The following CENPF variants were observed in gnomAD, a reference collection of about 807,000 sequenced individuals.
The protein encoded by CENPF is centromere protein F, also known as AH antigen.
In CENPF, 214 loss-of-function variants were observed where a neutral mutation model predicts 307.3. The ratio of observed to expected loss-of-function variants is 0.70; its 90% CI spans 0.62 to 0.78. The LOEUF is 0.78. Among genes scored for constraint, CENPF ranks in the 30% least tolerant of loss-of-function variants. The pLI, the probability that CENPF is intolerant of heterozygous loss-of-function variation, is 0.00. For missense variants in CENPF, 3,401 were observed against 3,483.9 expected, an observed-to-expected ratio of 0.98 and a Z score of 0.60; for synonymous variants, 1,259 against 1,270.6, an observed-to-expected ratio of 0.99 and a Z score of 0.19.
Position 214,658,707 on chromosome 1 carries a change from G to A in CENPF, c.8963-143G>A, listed in dbSNP as rs1185193515. 4.3e-5 allele frequency: 29 copies of A among 676,564 alleles called. No homozygotes were observed. In the East Asian group the frequency reaches 6.5e-4, roughly 15 times the overall value. The allele number at this position is 676,564 out of a possible 1,614,324, so 41.9% of individuals were successfully genotyped here. A position where few individuals can be genotyped will look rare whatever the true frequency, so the allele number is the denominator to read the frequency against. The stretch of plus-strand genomic sequence containing the variant: ...TGGTGACTCCCAGGGCAACTGTGAA[G>A]TGTAATCCATTGACCACAGTGGCTA... On this transcript the variant is annotated intron_variant, in intron 18 of 19. Transcript: ENST00000366955.
rs2102538100 is a variant in CENPF at position 214,620,687 on chromosome 1, G to T, written c.606G>T (p.Met202Ile). 1 of 1,613,948 alleles carries T rather than the reference G, an allele frequency of 6.2e-7. No individual in the cohort carries two copies. Among genetic ancestry groups the T allele is most frequent in the East Asian group, 2.2e-5 (1 of 44,874 alleles). The change falls in exon 6 of 20, where the codon ATG becomes ATT. Residue 202 changes from methionine to isoleucine, a missense_variant. Physicochemically the swap from Met to Ile is conservative, Grantham distance 10. Transcript: ENST00000366955. ...KASQTLPQAT[M>I]NHRDIARHQA... ...GCCAGACTCTTCCACAAGCCACCAT[G>T]AATCACCGCGACATTGCCCGGCATC...
intron 8 of CENPF, among the ~76,000 whole-genome samples, chr1:214,630,313 A>C (rs1657770519): frequency 1.3e-5 from 2 of 152,174 alleles, no homozygotes; most frequent in Admixed American, 6.5e-5. Flanking sequence ...TGGTCAACTG[A>C]TAAGAGTCCT....
In CENPF at chr1:214,641,016, C is replaced by G. The variant is rs778772735; in HGVS notation, c.2678C>G (p.Ser893Cys). The G allele has an allele frequency of 6.4e-7, 1 of 1,573,114 alleles. No homozygotes were observed. Among genetic ancestry groups the G allele is most frequent in the African/African-American group, 1.4e-5 (1 of 72,838 alleles). The change falls in exon 12 of 20, where the codon TCT (serine) becomes TGT (cysteine). Residue 893 changes from serine (S) to cysteine (C), a missense_variant. Transcript: ENST00000366955. ...ATTAGTAAGTTACAGGAAGACACTT[C>G]TGCTCACCAGAATGTTGTTGCTGAA... is the stretch of plus-strand genomic sequence containing the variant. Reference protein sequence around the residue: ...QRISKLQEDTSAHQNVVAETL... With the variant: ...QRISKLQEDTCAHQNVVAETL...
chr1:214,615,660 T>A (rs1657316741), intron 3 of CENPF, among the ~76,000 whole-genome samples: 1 of 152,092 alleles, frequency 6.6e-6, no homozygotes, highest in Non-Finnish European at 1.5e-5. Context: ...TCCTTTTGGC[T>A]GGGCTAGGTG....
At chr1:214,610,898 A>G (rs898734326) in intron 1 of CENPF, among the ~76,000 whole-genome samples, 5 of 152,228 alleles carry the variant, frequency 3.3e-5, no homozygotes, top group Non-Finnish European at 5.9e-5. Context: ...ATTCTTCTGC[A>G]TATGGCTAGC....
At chr1:214,623,646 C>T (rs1657575764) in intron 7 of CENPF, among the ~76,000 whole-genome samples, 2 of 152,038 alleles carry the variant, frequency 1.3e-5, no homozygotes, top group South Asian at 2.1e-4. Context: ...TTTACTGACT[C>T]ATTTCACAAG....
intron 1 of CENPF, 118 bp from the exon 2 acceptor site, chr1:214,613,596 T>C (rs1657256023): frequency 1.5e-6 from 1 of 657,628 alleles, no homozygotes; most frequent in Admixed American, 3.3e-5. Context: ...TACTTTGTTA[T>C]CTTTTGAAAT....
At chr1:214,629,819 T>C (rs562800469) in intron 8 of CENPF, among the ~76,000 whole-genome samples, 6 of 152,322 alleles carry the variant, frequency 3.9e-5, no homozygotes, top group South Asian at 2.1e-4. Context: ...CCCAAAGTGC[T>C]GGGATTACAG....
At chr1:214,610,518 C>T (rs1657169803) in intron 1 of CENPF, among the ~76,000 whole-genome samples, 1 of 149,480 alleles carries the variant, frequency 6.7e-6, no homozygotes. Flanking sequence ...ATGTCCTTTG[C>T]CTACTTTTTA....
At chr1:214,610,815 G>A (rs1412712801) in intron 1 of CENPF, among the ~76,000 whole-genome samples, 5 of 151,974 alleles carry the variant, frequency 3.3e-5, no homozygotes, top group Non-Finnish European at 7.4e-5. Context: ...TTATAGTTTG[G>A]GGTTTTACAT....
chr1:214,614,819 CA>C lies in CENPF; in HGVS notation c.163-11del. On this transcript the variant is annotated splice_polypyrimidine_tract_variant and intron_variant, in intron 2 of 19. Transcript: ENST00000366955. ...AATAAGGGAGTTATTGTCTTCTGAA[CA>C]ATTCTCATTAGGTTGAAAATGAAAA... 6.5e-7 allele frequency: 1 copy of C among 1,536,894 alleles called. No homozygotes were observed. The highest frequency in any genetic ancestry group is 1.3e-5 in the South Asian group (1 of 79,890).
At chr1:214,658,752 G>T in intron 18 of CENPF, 98 bp from the exon 19 acceptor site, 1 of 1,231,624 alleles carries the variant, frequency 8.1e-7, no homozygotes, top group Non-Finnish European at 1.2e-6. Flanking sequence ...ATTTTTTGGA[G>T]TTTGCATTAT....
chr1:214,655,529 A>T (rs1658608734), intron 17 of CENPF, 126 bp downstream of exon 17: 1 of 765,422 alleles, frequency 1.3e-6, no homozygotes, highest in Non-Finnish European at 1.9e-6. Flanking sequence ...ATTTTTTACC[A>T]TTAATCCATT....
rs1471438424 is a variant in CENPF, at chr1:214,640,043, TG to T, written c.1706del (p.Cys569PhefsTer6). On this transcript the variant is annotated frameshift_variant, in exon 12 of 20. Coordinates refer to ENST00000366955, the MANE Select transcript of CENPF (RefSeq NM_016343.4). LOFTEE classifies it high-confidence loss of function. ...GGCTGATCTGGAAAAGCAGCGAGAT[TG>T]TTCTCAAGACCTTTTGAAGAAAAGA... Reference protein sequence around the residue: ...AVADLEKQRDCSQDLLKKREH... With the variant: ...AVADLEKQRDXSQDLLKKREH... 4 of 1,603,272 alleles carry T rather than the reference TG, an allele frequency of 2.5e-6. No individual in the cohort carries two copies. Among genetic ancestry groups the T allele is most frequent in the Non-Finnish European group, 3.4e-6 (4 of 1,177,568 alleles).
intron 6 of CENPF, among the ~76,000 whole-genome samples, chr1:214,621,833 C>T (rs1657513826): frequency 1.3e-5 from 2 of 152,154 alleles, no homozygotes; most frequent in Non-Finnish European, 2.9e-5. Flanking sequence ...GAAAAGCATT[C>T]CCCCCACCAA....
chr1:214,613,127 C>G, intron 1 of CENPF: 2 of 263,088 alleles, frequency 7.6e-6, no homozygotes, highest in South Asian at 1.2e-4. Flanking sequence ...ACTATTAACC[C>G]TATTTATATT....
chr1:214,618,500 G>T, intron 3 of CENPF, 73 bp from the exon 4 acceptor site: 1 of 1,530,350 alleles, frequency 6.5e-7, no homozygotes, highest in Non-Finnish European at 8.9e-7. Context: ...TACTCTCTGG[G>T]AATGTAAGGC....
At chr1:214,608,026 C>T (rs1164382320) in intron 1 of CENPF, among the ~76,000 whole-genome samples, 1 of 152,220 alleles carries the variant, frequency 6.6e-6, no homozygotes, top group African/African-American at 2.4e-5. Flanking sequence ...GTGGCATCCA[C>T]GCCCCTGTGA....
chr1:214,603,801 C>T (rs1409696080), intron 1 of CENPF, among the ~76,000 whole-genome samples: 1 of 150,894 alleles, frequency 6.6e-6, no homozygotes, highest in Admixed American at 6.6e-5. Flanking sequence ...TCTCTTTCCC[C>T]TCTCTTCTTC....
Sources: allele counts gnomAD v4.1 joint callset (sites outside exome capture counted in the v4.1 genomes callset), GRCh38; gene constraint gnomAD v4.1.1; transcripts MANE v1.5; gene names NCBI Gene and HGNC (gene_info 2026-07-23, HGNC 2026-07-21).